Variants in FBXO36 observed in about 807,000 individuals in gnomAD.
The protein encoded by FBXO36 is F-box only protein 36.
FBXO36 carries 18 observed loss-of-function variants against 17.0 expected under a neutral mutation model. The observed-to-expected ratio is 1.06, with a 90% CI of 0.73 to 1.57. The LOEUF (loss-of-function observed/expected upper bound fraction) is 1.57. Ranked by LOEUF, FBXO36 falls within the 40% of genes most tolerant of loss-of-function variation. FBXO36 has a pLI of 0.00. For synonymous variants in FBXO36, 83 were observed against 85.3 expected (o/e 0.97, Z 0.15); for missense variants, 229 against 221.9 (o/e 1.03, Z -0.20).
intron 2 of FBXO36, among the ~76,000 whole-genome samples, chr2:229,993,253 G>C (rs942261066): frequency 2.0e-5 from 3 of 152,080 alleles, no homozygotes; most frequent in Admixed American, 1.3e-4. Context: ...TTTTCTTCCA[G>C]ACCCTCCCAA....
intron 3 of FBXO36, among the ~76,000 whole-genome samples, chr2:230,001,648 C>G (rs939463521): frequency 3.3e-5 from 5 of 152,058 alleles, no homozygotes; most frequent in African/African-American, 1.2e-4. Context: ...TTTCAAATTC[C>G]GGGGGACAAG....
At chr2:229,986,538 T>C (rs191381934) in intron 2 of FBXO36, among the ~76,000 whole-genome samples, 2,129 of 150,658 alleles carry the variant, frequency 0.014, 50 homozygotes, top group African/African-American at 0.048. Context: ...TAAAAATTTT[T>C]TTTTTTTTTT....
intron 1 of FBXO36, among the ~76,000 whole-genome samples, chr2:229,966,606 C>T (rs2106186849): frequency 6.6e-6 from 1 of 152,266 alleles, no homozygotes; most frequent in Non-Finnish European, 1.5e-5. Flanking sequence ...TATGGCTAGC[C>T]AGTTTTCCCA....
chr2:230,002,395 C>G (rs1281665004), intron 3 of FBXO36, among the ~76,000 whole-genome samples: 1 of 137,232 alleles, frequency 7.3e-6, no homozygotes, highest in Non-Finnish European at 1.6e-5. Flanking sequence ...TTTTTTTTTT[C>G]CTTTTTGAGA....
intron 2 of FBXO36, among the ~76,000 whole-genome samples, chr2:229,977,877 A>G (rs1461838413): frequency 6.6e-6 from 1 of 152,176 alleles, no homozygotes; most frequent in Non-Finnish European, 1.5e-5. Context: ...CCAATTGTTA[A>G]TGTCGTTTAA....
rs550192512 is a variant in FBXO36, at chr2:229,969,774, A to T, written c.97-6467A>T. Among the ~76,000 whole-genome samples the T allele has an allele frequency of 3.3e-5, 5 of 152,342 alleles. No homozygotes were observed. In the South Asian group the frequency reaches 1.0e-3, roughly 32 times the overall value. ...TGCTCTGTGAAGACCCTGCTAAGAG[A>T]TGGAACAGAATAGCAGAAAATATTT... On this transcript the variant is annotated intron_variant, in intron 1 of 3. Coordinates refer to ENST00000283946, the MANE Select transcript of FBXO36 (RefSeq NM_174899.5).
chr2:229,938,515 G>A (rs1420692349), intron 1 of FBXO36, among the ~76,000 whole-genome samples: 3 of 140,470 alleles, frequency 2.1e-5, no homozygotes, highest in African/African-American at 8.1e-5. Context: ...GTGGAGTTTC[G>A]CTCTTGTCGC....
intron 1 of FBXO36, among the ~76,000 whole-genome samples, chr2:229,934,619 C>G (rs376825791): frequency 1.3e-5 from 2 of 152,138 alleles, no homozygotes; most frequent in East Asian, 3.9e-4. Flanking sequence ...CCAAATCAGT[C>G]AGACTTTACC....
intron 1 of FBXO36, among the ~76,000 whole-genome samples, chr2:229,928,584 C>T (rs976171915): frequency 2.0e-5 from 3 of 152,292 alleles, no homozygotes; most frequent in Admixed American, 6.5e-5. Context: ...ACCCACCTCC[C>T]TCATTGAATA....
At chr2:229,974,005 G>A (rs1354766936) in intron 1 of FBXO36, among the ~76,000 whole-genome samples, 1 of 152,068 alleles carries the variant, frequency 6.6e-6, no homozygotes, top group African/African-American at 2.4e-5. Flanking sequence ...AGCTGGGGTC[G>A]TACCACTGCA....
At chr2:229,927,008 C>T (rs995297980) in intron 1 of FBXO36, among the ~76,000 whole-genome samples, 11 of 151,792 alleles carry the variant, frequency 7.2e-5, no homozygotes, top group African/African-American at 2.4e-4. Context: ...TACAGGCACC[C>T]GCCACCATGC....
chr2:229,934,865 G>C (rs2076956327), intron 1 of FBXO36, among the ~76,000 whole-genome samples: 1 of 152,118 alleles, frequency 6.6e-6, no homozygotes, highest in African/African-American at 2.4e-5. Context: ...ACGTTGGCCA[G>C]GCTGGTCTTG....
chr2:229,978,556 C>T (rs1158617677), intron 2 of FBXO36, among the ~76,000 whole-genome samples: 1 of 152,112 alleles, frequency 6.6e-6, no homozygotes, highest in Non-Finnish European at 1.5e-5. Context: ...CGTTGCACTC[C>T]AGCCTGGGCA....
intron 1 of FBXO36, among the ~76,000 whole-genome samples, chr2:229,930,279 G>T (rs866864132): frequency 1.3e-5 from 2 of 151,728 alleles, no homozygotes. Flanking sequence ...CTAGGTGTTT[G>T]AGGCTGCAGT....
chr2:229,943,613 A>T (rs1279813030), intron 1 of FBXO36, among the ~76,000 whole-genome samples: 1 of 152,040 alleles, frequency 6.6e-6, no homozygotes, highest in East Asian at 1.9e-4. Flanking sequence ...ACATGATTGG[A>T]AATGTGAGAG....
intron 1 of FBXO36, chr2:229,939,388 C>A (rs976503985): frequency 1.9e-5 from 9 of 478,538 alleles, no homozygotes; most frequent in Admixed American, 6.4e-5. Context: ...AGTATCTCTT[C>A]AGCATTTTTT....
chr2:229,985,056 G>A (rs562646747), intron 2 of FBXO36, among the ~76,000 whole-genome samples: 1 of 152,288 alleles, frequency 6.6e-6, no homozygotes, highest in Non-Finnish European at 1.5e-5. Flanking sequence ...TGGTCTTTCT[G>A]TGAACTGGCT....
rs557854016 is a variant in FBXO36, at chr2:229,957,569, T to C, written c.97-18672T>C. Among the ~76,000 whole-genome samples, 3 of 152,276 alleles carry C rather than the reference T, an allele frequency of 2.0e-5. No individual in the cohort carries two copies. In the East Asian group the frequency reaches 5.8e-4, roughly 29 times the overall value. ...TTCAGCCTGGGCGATAGAGTGTGAC[T>C]GTCTCCAAAACGATACAAAACAATG... On this transcript the variant is annotated intron_variant, in intron 1 of 3. Coordinates refer to ENST00000283946, the MANE Select transcript of FBXO36 (RefSeq NM_174899.5).
chr2:229,965,989 C>A (rs2077150385), intron 1 of FBXO36, among the ~76,000 whole-genome samples: 1 of 152,080 alleles, frequency 6.6e-6, no homozygotes, highest in Admixed American at 6.6e-5. Flanking sequence ...GTTTACAGTC[C>A]CACCAACAGT....
Sources: gnomAD v4.1 joint callset for allele counts (sites outside exome capture counted in the v4.1 genomes callset) on GRCh38, gnomAD v4.1.1 for gene constraint, MANE v1.5 for transcripts, NCBI Gene and HGNC (gene_info 2026-07-23, HGNC 2026-07-21) for gene names.